Variants in CFAP91 observed in about 807,000 individuals in gnomAD.
The protein encoded by CFAP91 is cilia and flagella associated protein 91.
Under a neutral mutation model 95.9 loss-of-function variants are expected in CFAP91, and 85 were observed. The observed-to-expected ratio is 0.89, with a 90% confidence interval of 0.74 to 1.06. CFAP91 has a LOEUF of 1.06. CFAP91 is among the 50% of genes least tolerant of loss of function. The pLI is 0.00. For missense variants in CFAP91, 962 were observed against 943.4 expected, an observed-to-expected ratio of 1.02 and a Z score of -0.26; for synonymous variants, 335 against 327.5, an observed-to-expected ratio of 1.02 and a Z score of -0.25.
At chr3:119,742,034 C>G (rs1371205448) in intron 13 of CFAP91, among the ~76,000 whole-genome samples, 3 of 152,218 alleles carry the variant, frequency 2.0e-5, no homozygotes, top group Non-Finnish European at 4.4e-5. Context: ...CCTGGAAGCG[C>G]TAGGCCCTGA....
chr3:119,726,583 T>A (rs558506317), intron 7 of CFAP91, among the ~76,000 whole-genome samples: 1 of 152,298 alleles, frequency 6.6e-6, no homozygotes, highest in South Asian at 2.1e-4. Flanking sequence ...CCTCTGTGTG[T>A]TTGAAGAAGC....
intron 3 of CFAP91, 25 bp downstream of exon 3, chr3:119,707,586 C>A: frequency 6.6e-7 from 1 of 1,520,104 alleles, no homozygotes; most frequent in Non-Finnish European, 8.9e-7. Context: ...GCTCCAGGGC[C>A]TAAAATAAAT....
chr3:119,758,121 T>C (rs1041311955), intron 17 of CFAP91, among the ~76,000 whole-genome samples: 4 of 152,198 alleles, frequency 2.6e-5, no homozygotes, highest in Admixed American at 2.6e-4. Context: ...ACCATCATAC[T>C]GACATTCAGT....
At chr3:119,708,264 C>CAA (rs11346330) in intron 3 of CFAP91, among the ~76,000 whole-genome samples, 28 of 111,836 alleles carry the variant, frequency 2.5e-4, no homozygotes, top group African/African-American at 7.2e-4. Context: ...GACTCTGTCT[C>CAA]AAAAAAAAAA....
chr3:119,732,973 G>A (rs80076938), intron 9 of CFAP91, among the ~76,000 whole-genome samples: 2,601 of 152,300 alleles, frequency 0.017, 53 homozygotes, highest in African/African-American at 0.045. Flanking sequence ...TGAGTTGCTG[G>A]TTACACTGCT....
chr3:119,738,078 G>A (rs555712313), intron 11 of CFAP91, among the ~76,000 whole-genome samples: 3 of 152,298 alleles, frequency 2.0e-5, no homozygotes, highest in Admixed American at 2.0e-4. Flanking sequence ...GGATCAGGCT[G>A]TTCCTCTTGG....
intron 14 of CFAP91, among the ~76,000 whole-genome samples, chr3:119,745,550 A>G (rs909651899): frequency 6.6e-6 from 1 of 152,240 alleles, no homozygotes; most frequent in Non-Finnish European, 1.5e-5. Context: ...AAAGATATAC[A>G]TAAACACACA....
chr3:119,765,567 T>G lies in CFAP91; in HGVS notation c.*517T>G, dbSNP rs1406964681. 1 of 152,234 alleles carries G rather than the reference T, an allele frequency of 6.6e-6. No homozygotes were observed. The highest frequency in any genetic ancestry group is 2.4e-5 in the African/African-American group (1 of 41,458). The allele number at this position is 152,234 out of a possible 1,614,324, so 9.4% of individuals were successfully genotyped here. On this transcript the variant is annotated 3_prime_UTR_variant, in exon 18 of 18. Coordinates refer to ENST00000273390, the MANE Select transcript of CFAP91 (RefSeq NM_033364.4). ...AATAGTCCCAAACTGGAAACCCAAG[T>G]GTCCATCTCCATCGGAACAGAAAAC...
At chr3:119,761,143 A>G (rs1350627276) in intron 17 of CFAP91, among the ~76,000 whole-genome samples, 1 of 151,454 alleles carries the variant, frequency 6.6e-6, no homozygotes, top group East Asian at 1.9e-4. Context: ...CTTAAGGCCA[A>G]AGAGGGAAGA....
intron 10 of CFAP91, among the ~76,000 whole-genome samples, chr3:119,734,061 A>G (rs1241601111): frequency 6.6e-6 from 1 of 152,104 alleles, no homozygotes; most frequent in Non-Finnish European, 1.5e-5. Flanking sequence ...GTGCATCAGA[A>G]TCTCATGGAG....
chr3:119,727,709 G>C (rs1356926567), intron 7 of CFAP91, among the ~76,000 whole-genome samples: 2 of 152,180 alleles, frequency 1.3e-5, no homozygotes, highest in Non-Finnish European at 2.9e-5. Context: ...GTGATGTGCT[G>C]TTCTGTACAA....
At chr3:119,746,118 CTTTG>C (rs1439582672) in intron 14 of CFAP91, among the ~76,000 whole-genome samples, 1 of 152,092 alleles carries the variant, frequency 6.6e-6, no homozygotes, top group Non-Finnish European at 1.5e-5. Flanking sequence ...AACTAAACTA[CTTTG>C]TTTATGGTTA....
intron 5 of CFAP91, 90 bp from the exon 6 acceptor site, chr3:119,715,472 A>G: frequency 9.0e-7 from 1 of 1,110,202 alleles, no homozygotes; most frequent in Non-Finnish European, 1.4e-6. Context: ...TGGACTTGAC[A>G]AAGCTTCGAA....
intron 6 of CFAP91, among the ~76,000 whole-genome samples, chr3:119,724,587 C>G (rs2053746386): frequency 6.6e-6 from 1 of 152,016 alleles, no homozygotes; most frequent in Non-Finnish European, 1.5e-5. Context: ...GATTTATTTA[C>G]TTCTTTATAC....
intron 17 of CFAP91, among the ~76,000 whole-genome samples, chr3:119,758,812 A>G (rs949375605): frequency 1.3e-5 from 2 of 152,106 alleles, no homozygotes; most frequent in Non-Finnish European, 2.9e-5. Context: ...GAAATGAGAA[A>G]GAGGAAAATC....
intron 14 of CFAP91, among the ~76,000 whole-genome samples, chr3:119,745,812 A>G (rs1381547116): frequency 6.6e-6 from 1 of 152,204 alleles, no homozygotes; most frequent in Non-Finnish European, 1.5e-5. Context: ...CTGGCCATTG[A>G]GACTCTCCCA....
At chr3:119,715,397 T>G (rs1466820618) in intron 5 of CFAP91, 165 bp from the exon 6 acceptor site, 1 of 731,970 alleles carries the variant, frequency 1.4e-6, no homozygotes, top group Admixed American at 2.0e-5. Context: ...CTCTCAAGAT[T>G]TGTGCGCATA....
At chr3:119,713,080 TA>T (rs1481708271) in intron 5 of CFAP91, 32 of 146,294 alleles carry the variant, frequency 2.2e-4, no homozygotes. Context: ...ATTTTTATTT[TA>T]TTTTTATTTA....
intron 17 of CFAP91, among the ~76,000 whole-genome samples, chr3:119,754,110 A>G (rs1426866175): frequency 3.3e-5 from 5 of 152,310 alleles, no homozygotes; most frequent in Middle Eastern, 3.4e-3. Flanking sequence ...TGAGGTACAT[A>G]CTATATATAT....
Sources: gnomAD v4.1 joint callset for allele counts (sites outside exome capture counted in the v4.1 genomes callset) on GRCh38, gnomAD v4.1.1 for gene constraint, MANE v1.5 for transcripts, NCBI Gene and HGNC (gene_info 2026-07-23, HGNC 2026-07-21) for gene names.